Variants in SNX29 observed in about 807,000 individuals in gnomAD.
The protein encoded by SNX29 is sorting nexin-29.
Under a neutral mutation model 102.1 loss-of-function variants are expected in SNX29, and 78 were observed. The ratio of observed to expected loss-of-function variants is 0.76; its 90% CI spans 0.64 to 0.92. The LOEUF is 0.92. Ranked by LOEUF, SNX29 falls within the 40% of genes least tolerant of loss-of-function variation. The pLI, the probability that SNX29 is intolerant of heterozygous loss-of-function variation, is 0.00. For missense variants in SNX29, 1,280 were observed against 1,061.7 expected (o/e 1.21, Z -2.86); for synonymous variants, 580 against 414.5 (o/e 1.40, Z -4.85).
rs1270652580 is a variant in SNX29, at chr16:12,573,061, A to G, written c.*4432A>G. On this transcript the variant is annotated 3_prime_UTR_variant, in exon 21 of 21. Transcript: ENST00000566228. ...GCTAATTCTGCAGTTGTAGCACTGT[A>G]TATTTTATCTCATTTCTGTGCCAAG... 2.2e-5 allele frequency: 5 copies of G among 232,396 alleles called. No homozygotes were observed. Among genetic ancestry groups the G allele is most frequent in the South Asian group, 3.6e-4 (2 of 5,556 alleles). The allele number at this position is 232,396 out of a possible 1,614,324, so 14.4% of individuals were successfully genotyped here.
intron 15 of SNX29, among the ~76,000 whole-genome samples, chr16:12,327,504 A>G (rs1405503358): frequency 6.6e-6 from 1 of 152,070 alleles, no homozygotes; most frequent in South Asian, 2.1e-4. Context: ...TCTTCTCTGC[A>G]TGACTCTGTC....
Position 12,082,317 on chromosome 16 carries a change from G to T in SNX29, c.1402+3402G>T, listed in dbSNP as rs558882782. On this transcript the variant is annotated intron_variant, in intron 11 of 20. Coordinates refer to ENST00000566228, the MANE Select transcript of SNX29 (RefSeq NM_032167.5). ...TGCCCTGGCAGGTGTCTGACATTCT[G>T]TTTCCCAAGAGTTCCTGCGGCCGGG... 3.9e-5 allele frequency among the ~76,000 whole-genome samples: 6 copies of T among 152,216 alleles called. No homozygotes were observed. The South Asian group carries it at 1.2e-3, about 32-fold the overall frequency.
chr16:12,238,934 T>A (rs2142269037), intron 14 of SNX29, among the ~76,000 whole-genome samples: 1 of 152,298 alleles, frequency 6.6e-6, no homozygotes, highest in African/African-American at 2.4e-5. Context: ...CTAGCCAGCA[T>A]GTCTGTGTTG....
At chr16:12,308,754 T>G (rs983471187) in intron 15 of SNX29, among the ~76,000 whole-genome samples, 3 of 152,190 alleles carry the variant, frequency 2.0e-5, no homozygotes, top group Admixed American at 2.0e-4. Context: ...TCCATCAGTT[T>G]CTCAGCTGGA....
chr16:12,396,723 A>G (rs1250144266), intron 16 of SNX29, among the ~76,000 whole-genome samples: 1 of 152,152 alleles, frequency 6.6e-6, no homozygotes, highest in African/African-American at 2.4e-5. Flanking sequence ...CATCTCTGAC[A>G]CCTTGCTTTC....
chr16:12,545,168 G>A (rs62026958), intron 20 of SNX29, among the ~76,000 whole-genome samples: 58 of 152,010 alleles, frequency 3.8e-4, no homozygotes, highest in South Asian at 1.2e-3. Context: ...TCTGCCAGCC[G>A]TCAGAGAAAC....
At chr16:12,073,325 C>G (rs1308029879) in intron 10 of SNX29, among the ~76,000 whole-genome samples, 1 of 152,052 alleles carries the variant, frequency 6.6e-6, no homozygotes, top group East Asian at 1.9e-4. Context: ...ATAAATTTCC[C>G]TCTACACACT....
At chr16:12,508,286 T>A (rs995179195) in intron 19 of SNX29, among the ~76,000 whole-genome samples, 3 of 152,284 alleles carry the variant, frequency 2.0e-5, no homozygotes, top group Non-Finnish European at 4.4e-5. Context: ...GCCCCATGCT[T>A]CCCAGCGTGT....
At chr16:12,136,373 G>A (rs2054661717) in intron 13 of SNX29, among the ~76,000 whole-genome samples, 1 of 152,224 alleles carries the variant, frequency 6.6e-6, no homozygotes, top group Non-Finnish European at 1.5e-5. Context: ...CAGTGATTCT[G>A]GTCTTGGCTC....
intron 13 of SNX29, among the ~76,000 whole-genome samples, chr16:12,198,207 G>C (rs2076826543): frequency 6.6e-6 from 1 of 152,110 alleles, no homozygotes; most frequent in Admixed American, 6.5e-5. Context: ...TTTGCCATTG[G>C]TTACCATGGG....
At chr16:12,012,826 T>G (rs1423426232) in intron 3 of SNX29, among the ~76,000 whole-genome samples, 1 of 152,080 alleles carries the variant, frequency 6.6e-6, no homozygotes, top group Non-Finnish European at 1.5e-5. Flanking sequence ...TCTACTCTGG[T>G]CTGGTGCTGG....
intron 15 of SNX29, among the ~76,000 whole-genome samples, chr16:12,305,910 C>T (rs2080323185): frequency 6.6e-6 from 1 of 152,164 alleles, no homozygotes; most frequent in Non-Finnish European, 1.5e-5. Flanking sequence ...TATGCCAATT[C>T]TCCAGCCAAA....
chr16:12,543,363 A>C lies in SNX29; in HGVS notation c.2318+18522A>C, dbSNP rs556972199. 5.9e-5 allele frequency among the ~76,000 whole-genome samples: 9 copies of C among 152,272 alleles called. No homozygotes were observed. In the East Asian group the frequency reaches 1.7e-3, roughly 29 times the overall value. ...AGGAGCAGGGTGTTCAGCCCACCTA[A>C]GCTCATGGACTGAACATGATTATCC... On this transcript the variant is annotated intron_variant, in intron 20 of 20. Coordinates refer to ENST00000566228, the MANE Select transcript of SNX29 (RefSeq NM_032167.5).
At chr16:12,005,522 C>A (rs1163539736) in intron 3 of SNX29, among the ~76,000 whole-genome samples, 1 of 152,090 alleles carries the variant, frequency 6.6e-6, no homozygotes, top group African/African-American at 2.4e-5. Flanking sequence ...AGGAAAGACT[C>A]CTCCTTCCTG....
chr16:12,222,154 G>C (rs924642190), intron 14 of SNX29, among the ~76,000 whole-genome samples: 1 of 152,222 alleles, frequency 6.6e-6, no homozygotes, highest in Non-Finnish European at 1.5e-5. Context: ...TGCAGATGCA[G>C]AAACACAGAG....
chr16:12,042,830 G>C, intron 4 of SNX29, 67 bp from the exon 5 acceptor site: 3 of 1,506,288 alleles, frequency 2.0e-6, no homozygotes, highest in Admixed American at 2.0e-5. Flanking sequence ...TAGAGGCTTT[G>C]TGTGTTCCTC....
At chr16:12,360,198 C>G (rs1420633823) in intron 16 of SNX29, among the ~76,000 whole-genome samples, 1 of 152,192 alleles carries the variant, frequency 6.6e-6, no homozygotes, top group Non-Finnish European at 1.5e-5. Flanking sequence ...CCAGTTAGCT[C>G]AAAAGAGTTT....
chr16:12,520,289 C>G (rs1179997637), intron 19 of SNX29, among the ~76,000 whole-genome samples: 1 of 152,188 alleles, frequency 6.6e-6, no homozygotes, highest in East Asian at 1.9e-4. Flanking sequence ...TAAAGCCAAC[C>G]TGGAAGTAGA....
chr16:12,279,469 CCT>C (rs2079362705), intron 15 of SNX29, among the ~76,000 whole-genome samples: 1 of 152,218 alleles, frequency 6.6e-6, no homozygotes, highest in African/African-American at 2.4e-5. Flanking sequence ...GCTGGGGAGG[CCT>C]GGGGACAGGG....
Sources: allele counts gnomAD v4.1 joint callset (sites outside exome capture counted in the v4.1 genomes callset), GRCh38; gene constraint gnomAD v4.1.1; transcripts MANE v1.5; gene names NCBI Gene and HGNC (gene_info 2026-07-23, HGNC 2026-07-21).